BRCA1: variants seen among roughly 807,000 people sequenced by gnomAD.
BRCA1 encodes the protein breast cancer type 1 susceptibility protein.
In BRCA1, 140 loss-of-function variants were observed where a neutral mutation model predicts 173.7. The observed-to-expected ratio is 0.81, with a 90% CI of 0.70 to 0.93. The LOEUF (loss-of-function observed/expected upper bound fraction) is 0.93. Among genes scored for constraint, BRCA1 ranks in the 40% least tolerant of loss-of-function variants. The pLI, the probability that BRCA1 is intolerant of heterozygous loss-of-function variation, is 0.00. For missense variants in BRCA1, 1,983 were observed against 2,172.5 expected, an observed-to-expected ratio of 0.91 and a Z score of 1.73; for synonymous variants, 662 against 756.0, an observed-to-expected ratio of 0.88 and a Z score of 2.04.
chr17:43,095,794 A>G (rs1597881731), intron 9 of BRCA1, 52 bp downstream of exon 9: 2 of 1,418,340 alleles, frequency 1.4e-6, no homozygotes, highest in Non-Finnish European at 2.0e-6. Context: ...ACAGTACTGT[A>G]TCTACCCACT....
chr17:43,063,431 G>T, intron 17 of BRCA1, 58 bp from the exon 18 acceptor site: 1 of 1,429,124 alleles, frequency 7.0e-7, no homozygotes, highest in African/African-American at 1.4e-5. Flanking sequence ...CTCTTTTCAC[G>T]GAGATAGAGA....
chr17:43,050,028 T>A (rs1265220829), intron 20 of BRCA1: 3 of 398,550 alleles, frequency 7.5e-6, no homozygotes, highest in African/African-American at 6.2e-5. Flanking sequence ...AAAATCCAAT[T>A]GATAACTAAT....
chr17:43,066,354 C>G (rs778364181), intron 16 of BRCA1, among the ~76,000 whole-genome samples: 6 of 152,114 alleles, frequency 3.9e-5, no homozygotes, highest in African/African-American at 7.2e-5. Flanking sequence ...AAACTCTCAA[C>G]AATACTCAAA....
intron 17 of BRCA1, 116 bp downstream of exon 17, chr17:43,063,758 G>C (rs2051897298): frequency 2.5e-6 from 2 of 793,168 alleles, no homozygotes; most frequent in East Asian, 2.6e-5. Context: ...TACAATTAAA[G>C]ACCTTTTGGT....
chr17:43,128,725 G>A (rs553367916), upstream of BRCA1, among the ~76,000 whole-genome samples: 158 of 151,722 alleles, frequency 1.0e-3, 2 homozygotes, highest in African/African-American at 3.7e-3. Context: ...TCCTTTTTTC[G>A]AGACCCCGTT....
chr17:43,117,662 C>A (rs777829292), intron 2 of BRCA1, among the ~76,000 whole-genome samples: 2 of 152,048 alleles, frequency 1.3e-5, no homozygotes, highest in Non-Finnish European at 2.9e-5. Context: ...TCGCTTGAAC[C>A]GGGGAAGTGC....
chr17:43,155,285 T>G (rs139864341), intron 1 of BRCA1, among the ~76,000 whole-genome samples: 6,894 of 152,244 alleles, frequency 0.045, 544 homozygotes, highest in African/African-American at 0.16. Flanking sequence ...TTCTCCTGCC[T>G]CAGCCTCCCG....
intron 1 of BRCA1, among the ~76,000 whole-genome samples, chr17:43,158,954 GGCTGGGTGCAGAGGCTCATAC>G (rs1212157847): frequency 1.3e-5 from 2 of 152,206 alleles, no homozygotes; most frequent in South Asian, 2.1e-4. Context: ...TTCAGACCAT[GGCTGGGTGCAGAGGCTCATAC>G]CTGTAATCCC....
intron 13 of BRCA1, 48 bp downstream of exon 13, chr17:43,076,440 A>T (rs1455609077): frequency 6.2e-7 from 1 of 1,606,484 alleles, no homozygotes; most frequent in African/African-American, 1.3e-5. Context: ...AGTTCAATAT[A>T]AATAAAGATG....
chr17:43,085,376 GA>G, intron 11 of BRCA1, among the ~76,000 whole-genome samples: 1 of 151,610 alleles, frequency 6.6e-6, no homozygotes, highest in African/African-American at 2.4e-5. Flanking sequence ...AAAAAGAAAA[GA>G]AAAAAACCCT....
upstream of BRCA1, among the ~76,000 whole-genome samples, chr17:43,128,722 T>A (rs935473439): frequency 4.6e-5 from 7 of 152,220 alleles, no homozygotes; most frequent in African/African-American, 1.7e-4. Flanking sequence ...TTCTCCTTTT[T>A]TCGAGACCCC....
intron 11 of BRCA1, among the ~76,000 whole-genome samples, chr17:43,084,645 C>T (rs952998205): frequency 5.3e-5 from 8 of 152,148 alleles, no homozygotes; most frequent in South Asian, 2.1e-4. Flanking sequence ...ACACTGAGTT[C>T]ACAATTTTCA....
intron 8 of BRCA1, among the ~76,000 whole-genome samples, chr17:43,096,529 G>T (rs143921429): frequency 1.8e-4 from 26 of 143,310 alleles, no homozygotes; most frequent in Non-Finnish European, 3.1e-4. Flanking sequence ...CCGAGATGGC[G>T]CCACTACACT....
chr17:43,168,396 G>C (rs1443322344), intron 1 of BRCA1: 2 of 274,406 alleles, frequency 7.3e-6, no homozygotes, highest in Non-Finnish European at 7.1e-6. Context: ...ACAGCACTTA[G>C]GGAGGCCGAG....
At position 43,092,297 on chromosome 17, in the gene BRCA1, T is replaced by C. The variant is rs876660522; in HGVS notation, c.3234A>G (p.Pro1078=). Residue 1078 remains proline, a synonymous_variant, in exon 10 of 23, where the codon CCA becomes CCG. Coordinates refer to ENST00000357654, the MANE Select transcript of BRCA1 (RefSeq NM_007294.4). ...IQAELGRNRG[P]KLNAMLRLGV... ...CTAATCTAAGCATAGCATTCAATTT[T>C]GGCCCTCTGTTTCTACCTAGTTCTG... is the stretch of plus-strand genomic sequence containing the variant. 1 of 1,613,870 alleles carries C rather than the reference T, an allele frequency of 6.2e-7. No homozygotes were observed. The highest frequency in any genetic ancestry group is 8.5e-7 in the Non-Finnish European group (1 of 1,180,046).
chr17:43,126,416 C>T (rs2055876917), upstream of BRCA1, among the ~76,000 whole-genome samples: 1 of 152,096 alleles, frequency 6.6e-6, no homozygotes, highest in Non-Finnish European at 1.5e-5. Context: ...AGCGGACGGT[C>T]TTTGCATTGC....
At chr17:43,114,062 G>T (rs2055156716) in intron 3 of BRCA1, among the ~76,000 whole-genome samples, 1 of 145,238 alleles carries the variant, frequency 6.9e-6, no homozygotes, top group Admixed American at 6.7e-5. Flanking sequence ...GCAATAGAGT[G>T]AAACACCATC....
Position 43,091,808 on chromosome 17 carries a change from A to G in BRCA1, c.3723T>C (p.Ser1241=), listed in dbSNP as rs772759939. Reference sequence around the variant, plus strand: ...CGGTAGCAACGGTGCTATGCCTAGTAGACTGAGAAGGTATATTGTTTACTT... The same window carrying G: ...CGGTAGCAACGGTGCTATGCCTAGTGGACTGAGAAGGTATATTGTTTACTT... The part of the protein sequence containing the change: ...FGKVNNIPSQ[S]TRHSTVATEC... The change falls in exon 10 of 23, where the codon TCT becomes TCC. Residue 1241 remains serine (S), a synonymous_variant. Transcript: ENST00000357654. 1.2e-6 allele frequency: 2 copies of G among 1,614,206 alleles called. No homozygotes were observed. The highest frequency in any genetic ancestry group is 1.7e-6 in the Non-Finnish European group (2 of 1,180,034).
intron 18 of BRCA1, among the ~76,000 whole-genome samples, chr17:43,059,080 T>G (rs2051632744): frequency 6.6e-6 from 1 of 152,214 alleles, no homozygotes; most frequent in South Asian, 2.1e-4. Flanking sequence ...ACTCCCATGT[T>G]CATAGTCCTC....
Sources: allele counts gnomAD v4.1 joint callset (sites outside exome capture counted in the v4.1 genomes callset), GRCh38; gene constraint gnomAD v4.1.1; transcripts MANE v1.5; gene names NCBI Gene and HGNC (gene_info 2026-07-23, HGNC 2026-07-21).